Variants in KASH5 observed in about 807,000 individuals in gnomAD.
The protein encoded by KASH5 is KASH domain containing 5, also known as protein KASH5.
A neutral mutation model predicts 84.2 loss-of-function variants in KASH5; 72 were observed. The ratio of observed to expected loss-of-function variants is 0.85; its 90% CI spans 0.71 to 1.04. The LOEUF is 1.04. KASH5 is among the 50% of genes least tolerant of loss of function. The pLI, the probability that KASH5 is intolerant of heterozygous loss-of-function variation, is 0.00. For missense variants in KASH5, 650 were observed against 701.0 expected (o/e 0.93, Z 0.82); for synonymous variants, 260 against 279.1 (o/e 0.93, Z 0.68).
chr19:49,414,744 G>A lies in KASH5; in HGVS notation c.1329-207G>A, dbSNP rs1050665567. Among the ~76,000 whole-genome samples, 1,164 of 133,458 alleles carry A rather than the reference G, an allele frequency of 8.7e-3. 60 individuals are homozygous for A. The highest frequency in any genetic ancestry group is 0.033 in the African/African-American group (1,086 of 32,884). The allele number at this position is 133,458 out of a possible 152,430, so 87.6% of individuals were successfully genotyped here. ...GTGCTGCCTGGCCTCCCCCAGGCCC[G>A]TCCGTGCTGCCTGGCCTCCCCCAGG... On this transcript the variant is annotated intron_variant, in intron 16 of 19. Transcript: ENST00000447857. The surrounding 1 kb of genome is among the most constrained non-coding windows in gnomAD (Gnocchi z 4.5).
At chr19:49,392,990 G>A (rs1974051897) in intron 2 of KASH5, among the ~76,000 whole-genome samples, 1 of 151,564 alleles carries the variant, frequency 6.6e-6, no homozygotes, top group Non-Finnish European at 1.5e-5. Flanking sequence ...GAGTCCACAC[G>A]CCCCTTCCCA....
At chr19:49,401,979 C>T (rs1267197247) in intron 9 of KASH5, among the ~76,000 whole-genome samples, 2 of 152,126 alleles carry the variant, frequency 1.3e-5, no homozygotes, top group Admixed American at 6.6e-5. Context: ...CAGTGGCTCA[C>T]GCCTGTAATC....
chr19:49,413,036 T>C lies in KASH5; in HGVS notation c.1328+10T>C. The C allele has an allele frequency of 6.2e-7, 1 of 1,611,532 alleles. No individual in the cohort carries two copies. The highest frequency in any genetic ancestry group is 8.5e-7 in the Non-Finnish European group (1 of 1,179,712). ...AGGAGCCATCCATGTGGTAAGGAGC[T>C]GAGCCATCCGTCTGCCTCAGGGTGA... On this transcript the variant is annotated intron_variant, in intron 16 of 19. Transcript: ENST00000447857.
In KASH5 at chr19:49,414,453, G is replaced by C. The variant is rs1274934394; in HGVS notation, c.1329-498G>C. Among the ~76,000 whole-genome samples the C allele has an allele frequency of 5.3e-5, 8 of 152,116 alleles. No individual in the cohort carries two copies. The highest frequency in any genetic ancestry group is 2.1e-4 in the South Asian group (1 of 4,808). On this transcript the variant is annotated intron_variant, in intron 16 of 19. Coordinates refer to ENST00000447857, the MANE Select transcript of KASH5 (RefSeq NM_144688.5). The surrounding 1 kb of genome is among the most constrained non-coding windows in gnomAD (Gnocchi z 4.5). ...TGGCTCAACCCACTAGACAGGAAGG[G>C]GGTTTCGACACGTGCTCTGGGGTCT...
At chr19:49,404,288 C>T in intron 9 of KASH5, among the ~76,000 whole-genome samples, 1 of 152,170 alleles carries the variant, frequency 6.6e-6, no homozygotes, top group East Asian at 1.9e-4. Flanking sequence ...TGCCTCCATG[C>T]CCCAAAGTGC....
In KASH5 at chr19:49,413,004, G is replaced by T; in HGVS notation, c.1306G>T (p.Gly436Ter). 2 of 1,613,154 alleles carry T rather than the reference G, an allele frequency of 1.2e-6. No homozygotes were observed. Among genetic ancestry groups the T allele is most frequent in the Non-Finnish European group, 1.7e-6 (2 of 1,179,778 alleles). Residue 436 changes from glycine to a stop codon, truncating the protein, a stop_gained, in exon 16 of 20, where the codon GGA becomes TGA. Transcript: ENST00000447857. LOFTEE classifies it high-confidence loss of function. ...FQGEPAHPEEGRKEPSMWLTR... is the reference protein window; with the variant it reads ...FQGEPAHPEE The stretch of plus-strand genomic sequence containing the variant: ...GGGAGAGCCAGCGCACCCTGAAGAA[G>T]GAAGGAAGGAGCCATCCATGTGGTA...
At chr19:49,415,107 C>G in intron 17 of KASH5, 111 bp downstream of exon 17, 1 of 1,045,428 alleles carries the variant, frequency 9.6e-7, no homozygotes, top group Non-Finnish European at 1.5e-6. Flanking sequence ...TCCTCAGGAG[C>G]AGAGAGAAAA....
intron 15 of KASH5, among the ~76,000 whole-genome samples, chr19:49,411,914 A>AGGAG (rs1435943348): frequency 4.7e-5 from 5 of 105,282 alleles, no homozygotes; most frequent in African/African-American, 1.8e-4. Context: ...GAGGGAGGGA[A>AGGAG]GGAGGGAAGG....
intron 3 of KASH5, 176 bp from the exon 4 acceptor site, chr19:49,394,930 C>A: frequency 1.7e-6 from 1 of 597,914 alleles, no homozygotes; most frequent in Non-Finnish European, 2.9e-6. Flanking sequence ...GCCCCATTTC[C>A]AGGTGAAAAA....
rs1462148579 is a variant in KASH5 at position 49,416,381 on chromosome 19, C to T, written c.1375-634C>T. Among the ~76,000 whole-genome samples the T allele has an allele frequency of 1.3e-5, 2 of 152,190 alleles. No individual in the cohort carries two copies. Among genetic ancestry groups the T allele is most frequent in the East Asian group, 1.9e-4 (1 of 5,160 alleles). Reference sequence around the variant, plus strand: ...CTAATTTTTGTATTTTTAGTAGAGACGGAGTTTCGCCATGTTGGCCAGGTT... The same window carrying T: ...CTAATTTTTGTATTTTTAGTAGAGATGGAGTTTCGCCATGTTGGCCAGGTT... On this transcript the variant is annotated intron_variant, in intron 17 of 19. Transcript: ENST00000447857. The surrounding 1 kb of genome is among the most constrained non-coding windows in gnomAD (Gnocchi z 5.4).
chr19:49,409,125 G>C (rs1974628262), intron 13 of KASH5, 71 bp from the exon 14 acceptor site: 1 of 1,592,028 alleles, frequency 6.3e-7, no homozygotes, highest in Non-Finnish European at 8.6e-7. Flanking sequence ...AGGGAAGGGA[G>C]GCCAGCATGA....
chr19:49,388,498 C>T (rs1250521922), intron 1 of KASH5, 171 bp downstream of exon 1: 1 of 152,154 alleles, frequency 6.6e-6, no homozygotes, highest in African/African-American at 2.4e-5. Context: ...AGATAGAGAC[C>T]ATCCCGGGGA....
Position 49,406,968 on chromosome 19 carries a change from C to T in KASH5, c.876+5C>T. 1 of 1,582,548 alleles carries T rather than the reference C, an allele frequency of 6.3e-7. No individual in the cohort carries two copies. The highest frequency in any genetic ancestry group is 2.3e-5 in the East Asian group (1 of 43,304). ...ATGGAGAAGGACACTTTGAAGGTGC[C>T]ACTCCTTCCTAGTGCCTGACAACTT... On this transcript the variant is annotated splice_donor_5th_base_variant and intron_variant, in intron 10 of 19. Transcript: ENST00000447857.
intron 9 of KASH5, among the ~76,000 whole-genome samples, chr19:49,400,775 A>C (rs1315500424): frequency 3.9e-5 from 6 of 152,200 alleles, no homozygotes; most frequent in Admixed American, 3.9e-4. Flanking sequence ...AGGGACTAGC[A>C]AACAATATGA....
intron 1 of KASH5, chr19:49,389,474 C>T (rs1052350492): frequency 3.3e-5 from 5 of 152,798 alleles, no homozygotes; most frequent in Admixed American, 1.3e-4. Context: ...TCAACCAACA[C>T]CCCCGGGGTC....
intron 2 of KASH5, among the ~76,000 whole-genome samples, chr19:49,392,508 C>T (rs113752416): frequency 0.013 from 1,938 of 152,306 alleles, 48 homozygotes; most frequent in Middle Eastern, 0.054. Context: ...AGAGCCAGCA[C>T]GACCTGATGC....
rs1215770515 is a variant in KASH5 at position 49,409,030 on chromosome 19, G to A, written c.1057G>A (p.Glu353Lys). ...GAGTCAGACCTATGAGGGGCCCGATGAGTGAGTGGAATTTCAAGGGGTAGG... is the reference window on the plus strand; with the variant it reads ...GAGTCAGACCTATGAGGGGCCCGATAAGTGAGTGGAATTTCAAGGGGTAGG... ...QLSQTYEGPD[E>K]LPEGAQLRRV... The change falls in exon 13 of 20, where the codon GAG becomes AAG. Residue 353 changes from glutamate to lysine, a missense_variant and splice_region_variant. Glu to Lys is a moderately conservative substitution (Grantham distance 56). Coordinates refer to ENST00000447857, the MANE Select transcript of KASH5 (RefSeq NM_144688.5). The A allele has an allele frequency of 6.3e-7, 1 of 1,590,444 alleles. No individual in the cohort carries two copies. Among genetic ancestry groups the A allele is most frequent in the South Asian group, 1.1e-5 (1 of 87,188 alleles).
Position 49,395,879 on chromosome 19 carries a change from A to G in KASH5, c.400+46A>G. On this transcript the variant is annotated intron_variant, in intron 5 of 19. Coordinates refer to ENST00000447857, the MANE Select transcript of KASH5 (RefSeq NM_144688.5). This position sits in a 1 kb window ranked among gnomAD's most constrained non-coding sequence, Gnocchi z 4.4. ...ATGAAGCAGGCAGGCCCTGGGTCAG[A>G]CAGTGTGGGGACTTACCACCCAGGG... The G allele has an allele frequency of 6.7e-7, 1 of 1,503,558 alleles. No individual in the cohort carries two copies. The allele number at this position is 1,503,558 out of a possible 1,614,324, so 93.1% of individuals were successfully genotyped here.
At position 49,395,409 on chromosome 19, in the gene KASH5, C is replaced by A; in HGVS notation, c.335+117C>A. The A allele has an allele frequency of 9.0e-7, 1 of 1,114,272 alleles. No individual in the cohort carries two copies. The highest frequency in any genetic ancestry group is 1.3e-6 in the Non-Finnish European group (1 of 768,388). 69.0% of individuals were successfully genotyped at this position (1,114,272 alleles called of 1,614,324 possible). ...AGGACCTACTGTGTTTGGAATGAGG[C>A]TGTGGAGAGAAAAATGAAGAGACGG... On this transcript the variant is annotated intron_variant, in intron 4 of 19. Coordinates refer to ENST00000447857, the MANE Select transcript of KASH5 (RefSeq NM_144688.5). This position sits in a 1 kb window ranked among gnomAD's most constrained non-coding sequence, Gnocchi z 4.4.
Sources: allele counts gnomAD v4.1 joint callset (sites outside exome capture counted in the v4.1 genomes callset), GRCh38; gene constraint gnomAD v4.1.1; non-coding constraint Gnocchi (gnomAD v3.1); transcripts MANE v1.5; gene names NCBI Gene and HGNC (gene_info 2026-07-23, HGNC 2026-07-21).